MAP3K5: variants seen among roughly 807,000 people sequenced by gnomAD.
MAP3K5 encodes ASK-1.
Under a neutral mutation model 158.7 loss-of-function variants are expected in MAP3K5, and 56 were observed. That is an observed-to-expected ratio of 0.35 (90% confidence interval 0.28 to 0.44). MAP3K5 has a LOEUF of 0.44. Among genes scored for constraint, MAP3K5 ranks in the 20% least tolerant of loss-of-function variants. MAP3K5 has a pLI of 1.00. For missense variants in MAP3K5, 1,294 were observed against 1,674.8 expected, an observed-to-expected ratio of 0.77 and a Z score of 3.97; for synonymous variants, 579 against 601.7, an observed-to-expected ratio of 0.96 and a Z score of 0.55.
intron 7 of MAP3K5, among the ~76,000 whole-genome samples, chr6:136,683,506 T>C (rs1416732913): frequency 6.6e-6 from 1 of 152,244 alleles, no homozygotes; most frequent in African/African-American, 2.4e-5. Context: ...TGGTTCAACC[T>C]GCACTTGAGC....
chr6:136,577,773 CTAATA>C (rs1372424716), intron 25 of MAP3K5, among the ~76,000 whole-genome samples: 1 of 152,182 alleles, frequency 6.6e-6, no homozygotes, highest in Non-Finnish European at 1.5e-5. Context: ...ACAGCTCTTC[CTAATA>C]TATCTTACAT....
chr6:136,685,990 G>A (rs1002606708), intron 7 of MAP3K5, among the ~76,000 whole-genome samples: 9 of 152,268 alleles, frequency 5.9e-5, no homozygotes, highest in South Asian at 2.1e-4. Flanking sequence ...GCACTACAGC[G>A]GAAACTGGAC....
chr6:136,584,152 G>A (rs1183297178), intron 23 of MAP3K5, among the ~76,000 whole-genome samples: 2 of 152,128 alleles, frequency 1.3e-5, no homozygotes, highest in Admixed American at 1.3e-4. Context: ...AAAGACTAAG[G>A]CCATAAGATT....
At chr6:136,753,210 T>A (rs1237550440) in intron 1 of MAP3K5, among the ~76,000 whole-genome samples, 1 of 152,240 alleles carries the variant, frequency 6.6e-6, no homozygotes, top group Non-Finnish European at 1.5e-5. Flanking sequence ...CTTTTGTTTT[T>A]AACATGGGAA....
At chr6:136,734,421 GAAAAAAAAA>G (rs1016817563) in intron 1 of MAP3K5, among the ~76,000 whole-genome samples, 1 of 56,736 alleles carries the variant, frequency 1.8e-5, no homozygotes, top group Non-Finnish European at 3.2e-5. Flanking sequence ...CTCTGTCTCG[GAAAAAAAAA>G]AAAAAAAAAA....
chr6:136,780,205 G>A (rs1208761735), intron 1 of MAP3K5, among the ~76,000 whole-genome samples: 3 of 152,150 alleles, frequency 2.0e-5, no homozygotes, highest in African/African-American at 4.8e-5. Flanking sequence ...TGCTGTTGGG[G>A]TAAATATTAC....
intron 1 of MAP3K5, among the ~76,000 whole-genome samples, chr6:136,737,037 G>GTGTGTATATATATATATATA (rs759947051): frequency 1.3e-4 from 17 of 126,964 alleles, no homozygotes; most frequent in African/African-American, 6.1e-4. Flanking sequence ...ATATGTGTGT[G>GTGTGTATATATATATATATA]TATATATATA....
At chr6:136,596,215 G>A (rs1033261605) in intron 21 of MAP3K5, among the ~76,000 whole-genome samples, 5 of 152,138 alleles carry the variant, frequency 3.3e-5, no homozygotes, top group African/African-American at 1.2e-4. Context: ...ATGACAAGGA[G>A]CAGCCATGAG....
In MAP3K5 at chr6:136,618,273, C is replaced by A. The variant is rs117439885; in HGVS notation, c.2151-3987G>T. On this transcript the variant is annotated intron_variant, in intron 15 of 29. Transcript: ENST00000359015. The stretch of plus-strand genomic sequence containing the variant: ...AGAACGTCCACACCCCTCCAGGTTA[C>A]ATGGATAGAAACAACTTTGTTTGCT... Among the ~76,000 whole-genome samples, 62 of 152,340 alleles carry A rather than the reference C, an allele frequency of 4.1e-4. 1 individual carries two copies. In the East Asian group the frequency reaches 0.011, roughly 27 times the overall value.
At chr6:136,725,864 T>C (rs1170604837) in intron 1 of MAP3K5, among the ~76,000 whole-genome samples, 13 of 152,220 alleles carry the variant, frequency 8.5e-5, no homozygotes, top group Admixed American at 8.5e-4. Context: ...AGAGTTGATT[T>C]TTGTATATGG....
rs1053353287 is a variant in MAP3K5 at position 136,583,295 on chromosome 6, G to A, written c.3411+260C>T. ...TGACCCAACATAATTTCATAAGAAC[G>A]AAGTTCAGCCATGGGAAATATTTTG... On this transcript the variant is annotated intron_variant, in intron 24 of 29. Coordinates refer to ENST00000359015, the MANE Select transcript of MAP3K5 (RefSeq NM_005923.4). Among the ~76,000 whole-genome samples, 7 of 152,266 alleles carry A rather than the reference G, an allele frequency of 4.6e-5. No homozygotes were observed. The East Asian group carries it at 9.6e-4, about 21-fold the overall frequency.
intron 15 of MAP3K5, among the ~76,000 whole-genome samples, chr6:136,621,705 C>T (rs143986131): frequency 3.3e-5 from 5 of 152,286 alleles, no homozygotes; most frequent in African/African-American, 1.2e-4. Context: ...ATTTGGTACT[C>T]CACTTCCCCT....
At chr6:136,636,427 T>C (rs970414088) in intron 14 of MAP3K5, among the ~76,000 whole-genome samples, 1 of 152,194 alleles carries the variant, frequency 6.6e-6, no homozygotes, top group Non-Finnish European at 1.5e-5. Flanking sequence ...AGCAGCCCAA[T>C]GGACTAAGTC....
intron 23 of MAP3K5, among the ~76,000 whole-genome samples, chr6:136,585,428 C>A (rs1238600455): frequency 6.6e-6 from 1 of 151,138 alleles, no homozygotes; most frequent in African/African-American, 2.4e-5. Flanking sequence ...TCAGATGGAA[C>A]TTTTCTCCTT....
chr6:136,668,695 C>T (rs982541529), intron 8 of MAP3K5, among the ~76,000 whole-genome samples: 1 of 152,076 alleles, frequency 6.6e-6, no homozygotes, highest in Non-Finnish European at 1.5e-5. Context: ...CAGGGAAAGG[C>T]AGCAGATGAG....
intron 26 of MAP3K5, among the ~76,000 whole-genome samples, chr6:136,564,710 T>C (rs1774015744): frequency 6.6e-6 from 1 of 152,244 alleles, no homozygotes; most frequent in South Asian, 2.1e-4. Context: ...TTAAAGTGAA[T>C]GAAATATGGC....
At chr6:136,784,618 G>A (rs747081050) in intron 1 of MAP3K5, among the ~76,000 whole-genome samples, 2 of 152,214 alleles carry the variant, frequency 1.3e-5, no homozygotes, top group East Asian at 1.9e-4. Flanking sequence ...CGTTTCTCAC[G>A]TGAAGCAGTG....
intron 10 of MAP3K5, among the ~76,000 whole-genome samples, chr6:136,655,017 T>C (rs1341268748): frequency 6.6e-6 from 1 of 152,190 alleles, no homozygotes; most frequent in African/African-American, 2.4e-5. Context: ...AACTTCTCAA[T>C]ATTTTCTGGT....
rs1778035103 is a variant in MAP3K5 at position 136,642,585 on chromosome 6, GA to G, written c.1789-17del. The G allele has an allele frequency of 6.4e-7, 1 of 1,555,956 alleles. No individual in the cohort carries two copies. Among genetic ancestry groups the G allele is most frequent in the African/African-American group, 1.4e-5 (1 of 73,438 alleles). ...GTATACCTTTCTAGAACAACAACAAGAAAATATACTGAGTCATCCAAATGGA... is the reference window on the plus strand; with the variant it reads ...GTATACCTTTCTAGAACAACAACAAGAAATATACTGAGTCATCCAAATGGA... On this transcript the variant is annotated splice_polypyrimidine_tract_variant and intron_variant, in intron 11 of 29. Coordinates refer to ENST00000359015, the MANE Select transcript of MAP3K5 (RefSeq NM_005923.4).
Sources: gnomAD v4.1 joint callset for allele counts (sites outside exome capture counted in the v4.1 genomes callset) on GRCh38, gnomAD v4.1.1 for gene constraint, MANE v1.5 for transcripts, NCBI Gene and HGNC (gene_info 2026-07-23, HGNC 2026-07-21) for gene names.